Variants in CENPF observed in about 807,000 individuals in gnomAD.
The protein encoded by CENPF is centromere protein F, also known as AH antigen.
In CENPF, 214 loss-of-function variants were observed where a neutral mutation model predicts 307.3. That is an observed-to-expected ratio of 0.70 (90% confidence interval 0.62 to 0.78). The LOEUF (loss-of-function observed/expected upper bound fraction) is 0.78, where lower values mean the gene tolerates loss of function less well. Ranked by LOEUF, CENPF falls within the 30% of genes least tolerant of loss-of-function variation. The pLI is 0.00. For synonymous variants in CENPF, 1,259 were observed against 1,270.6 expected (o/e 0.99, Z 0.19); for missense variants, 3,401 against 3,483.9 (o/e 0.98, Z 0.60).
chr1:214,658,480 C>T (rs771619922), intron 18 of CENPF, among the ~76,000 whole-genome samples: 6 of 151,476 alleles, frequency 4.0e-5, no homozygotes, highest in East Asian at 3.9e-4. Context: ...TCCATTATAC[C>T]CTCCTTTTTT....
At chr1:214,638,181 G>T (rs76289640) in intron 11 of CENPF, among the ~76,000 whole-genome samples, 180 bp downstream of exon 11, 1 of 152,112 alleles carries the variant, frequency 6.6e-6, no homozygotes, top group Admixed American at 6.5e-5. Flanking sequence ...TCCAGAGTGA[G>T]AGTGGGACTT....
At chr1:214,656,611 A>G (rs2102418486) in intron 17 of CENPF, among the ~76,000 whole-genome samples, 1 of 152,288 alleles carries the variant, frequency 6.6e-6, no homozygotes, top group Non-Finnish European at 1.5e-5. Flanking sequence ...ATAAGGATGT[A>G]AAAAAATGAA....
In CENPF at chr1:214,612,230, A is replaced by G. The variant is rs567976120; in HGVS notation, c.-41-1484A>G. Among the ~76,000 whole-genome samples, 9 of 152,264 alleles carry G rather than the reference A, an allele frequency of 5.9e-5. No individual in the cohort carries two copies. In the South Asian group the frequency reaches 8.3e-4, roughly 14 times the overall value. On this transcript the variant is annotated intron_variant, in intron 1 of 19. Transcript: ENST00000366955. ...GAAAGCTTTTCTGCATGAGATAATC[A>G]TGTCATTTTTGTCTTTAGTTATGCT...
Position 214,614,923 on chromosome 1 carries a change from A to T in CENPF, c.254A>T (p.Lys85Met). The T allele has an allele frequency of 6.2e-7, 1 of 1,612,412 alleles. No individual in the cohort carries two copies. The highest frequency in any genetic ancestry group is 8.5e-7 in the Non-Finnish European group (1 of 1,179,162). ...ICESLEKTKQ[K>M]ISHELQVKES... Reference sequence around the variant, plus strand: ...GAAAGTCTGGAGAAAACTAAGCAGAAGATTTCTCATGAACTTCAAGTCAAG... The same window carrying T: ...GAAAGTCTGGAGAAAACTAAGCAGATGATTTCTCATGAACTTCAAGTCAAG... Residue 85 changes from lysine (K) to methionine (M), a missense_variant, in exon 3 of 20, where the codon AAG becomes ATG. By Grantham distance (95) the Lys-to-Met change is moderately conservative (BLOSUM62 -1). Transcript: ENST00000366955.
At chr1:214,606,116 A>T (rs1657022793) in intron 1 of CENPF, 3 of 1,553,430 alleles carry the variant, frequency 1.9e-6, no homozygotes, top group Non-Finnish European at 8.6e-7. Flanking sequence ...GCGGCCTCCG[A>T]CGCGCGCGCA....
At position 214,613,851 on chromosome 1, in the gene CENPF, G is replaced by T; in HGVS notation, c.97G>T (p.Glu33Ter). 6.2e-7 allele frequency: 1 copy of T among 1,613,906 alleles called. No individual in the cohort carries two copies. Among genetic ancestry groups the T allele is most frequent in the Non-Finnish European group, 8.5e-7 (1 of 1,179,916 alleles). ...AGGACAGCTTGACAAACTGAAGAAG[G>T]AAAAGCAGCAAAGGCAGTTTCAGCT... ...LEGQLDKLKK[E>*]KQQRQFQLDS... The change falls in exon 2 of 20, where the codon GAA becomes TAA. Residue 33 changes from glutamate to a stop codon, truncating the protein, a stop_gained. Coordinates refer to ENST00000366955, the MANE Select transcript of CENPF (RefSeq NM_016343.4). LOFTEE classifies it high-confidence loss of function.
At position 214,614,948 on chromosome 1, in the gene CENPF, G is replaced by A; in HGVS notation, c.279G>A (p.Lys93=). ...AGATTTCTCATGAACTTCAAGTCAA[G>A]GAGTCACAAGTGAATTTCCAGGAAG... is the stretch of plus-strand genomic sequence containing the variant. ...KQKISHELQV[K]ESQVNFQEGQ... is the part of the protein sequence containing the mutation. Residue 93 remains lysine (K), a synonymous_variant, in exon 3 of 20, where the codon AAG becomes AAA. Coordinates refer to ENST00000366955, the MANE Select transcript of CENPF (RefSeq NM_016343.4). The A allele has an allele frequency of 6.2e-7, 1 of 1,611,230 alleles. No homozygotes were observed.
In CENPF at chr1:214,618,137, G is replaced by T. The variant is rs527911052; in HGVS notation, c.360-436G>T. 3.3e-5 allele frequency among the ~76,000 whole-genome samples: 5 copies of T among 152,162 alleles called. No homozygotes were observed. The South Asian group carries it at 1.0e-3, about 32-fold the overall frequency. On this transcript the variant is annotated intron_variant, in intron 3 of 19. Transcript: ENST00000366955. ...TAAAACCATCAGATCTTGTGAGAAC[G>T]CACTATCACGAGAATAGCATGGGAA...
intron 7 of CENPF, among the ~76,000 whole-genome samples, chr1:214,623,890 T>A (rs1412500979): frequency 6.6e-6 from 1 of 152,224 alleles, no homozygotes; most frequent in Non-Finnish European, 1.5e-5. Flanking sequence ...ATGAATTATT[T>A]GACTTTTAAT....
At chr1:214,612,861 C>T (rs1657235627) in intron 1 of CENPF, 1 of 158,460 alleles carries the variant, frequency 6.3e-6, no homozygotes, top group East Asian at 1.8e-4. Flanking sequence ...TTGAGGTCTA[C>T]AAGGCATATC....
chr1:214,628,519 C>T (rs545359023), intron 7 of CENPF, among the ~76,000 whole-genome samples: 1 of 152,212 alleles, frequency 6.6e-6, no homozygotes, highest in Admixed American at 6.5e-5. Context: ...TCTTGGCTCA[C>T]TGCAACCCCT....
At position 214,646,275 on chromosome 1, in the gene CENPF, A is replaced by T; in HGVS notation, c.6705A>T (p.Ser2235=). 6.2e-7 allele frequency: 1 copy of T among 1,614,128 alleles called. No individual in the cohort carries two copies. Among genetic ancestry groups the T allele is most frequent in the Non-Finnish European group, 8.5e-7 (1 of 1,180,008 alleles). The change falls in exon 13 of 20, where the codon TCA becomes TCT. Residue 2235 remains serine, a synonymous_variant. Coordinates refer to ENST00000366955, the MANE Select transcript of CENPF (RefSeq NM_016343.4). ...QLSELDKLLS[S]FKSLLEEKEQ... ...CAGAACTAGACAAGTTACTCTCTTC[A>T]TTTAAAAGTCTGTTAGAAGAAAAGG...
At chr1:214,622,505 T>C (rs932223805) in intron 7 of CENPF, among the ~76,000 whole-genome samples, 33 of 152,252 alleles carry the variant, frequency 2.2e-4, no homozygotes, top group Non-Finnish European at 1.5e-4. Context: ...GGCAAGTCAC[T>C]GATCTCTTTT....
intron 18 of CENPF, 59 bp downstream of exon 18, chr1:214,657,468 C>T (rs1658672148): frequency 7.8e-7 from 1 of 1,289,646 alleles, no homozygotes; most frequent in Non-Finnish European, 1.1e-6. Flanking sequence ...TATAATGGTT[C>T]ACATATAAAA....
rs755038430 is a variant in CENPF, at chr1:214,642,142, G to A, written c.3804G>A (p.Ala1268=). Residue 1268 remains alanine (A), a synonymous_variant, in exon 12 of 20, where the codon GCG becomes GCA. Coordinates refer to ENST00000366955, the MANE Select transcript of CENPF (RefSeq NM_016343.4). ...GCCTTAAAGACTGTGAAATAGATGC[G>A]GAAGAAAAGTATATTTCAGGGCCTC... ...ISGLKDCEID[A]EEKYISGPHE... The A allele has an allele frequency of 1.8e-5, 29 of 1,613,750 alleles. No homozygotes were observed. Among genetic ancestry groups the A allele is most frequent in the African/African-American group, 8.0e-5 (6 of 74,888 alleles).
chr1:214,646,617 G>C lies in CENPF; in HGVS notation c.7047G>C (p.Arg2349Ser). 2 of 1,614,034 alleles carry C rather than the reference G, an allele frequency of 1.2e-6. No individual in the cohort carries two copies. Among genetic ancestry groups the C allele is most frequent in the Non-Finnish European group, 1.7e-6 (2 of 1,179,992 alleles). The change falls in exon 13 of 20, where the codon AGG (arginine) becomes AGC (serine). Residue 2349 changes from arginine (R) to serine (S), a missense_variant. Coordinates refer to ENST00000366955, the MANE Select transcript of CENPF (RefSeq NM_016343.4). ...ENLERELEIARTNQEHAALEA... is the reference protein window; with the variant it reads ...ENLERELEIASTNQEHAALEA... ...TTGAAAGAGAGCTAGAGATAGCCAG[G>C]ACAAACCAAGAGCATGCAGCTCTTG...
At chr1:214,637,793 C>A in intron 10 of CENPF, 73 bp from the exon 11 acceptor site, 3 of 1,488,854 alleles carry the variant, frequency 2.0e-6, no homozygotes, top group South Asian at 1.3e-5. Context: ...TGCTAGGGAC[C>A]TTTATTAAGG....
At chr1:214,612,354 G>C (rs1657222871) in intron 1 of CENPF, among the ~76,000 whole-genome samples, 1 of 152,160 alleles carries the variant, frequency 6.6e-6, no homozygotes, top group African/African-American at 2.4e-5. Context: ...TTTTTGATGT[G>C]TTGCTGGACT....
intron 10 of CENPF, 145 bp downstream of exon 10, chr1:214,632,747 T>A: frequency 1.1e-6 from 1 of 920,888 alleles, no homozygotes; most frequent in Non-Finnish European, 1.6e-6. Flanking sequence ...TATTACAGAA[T>A]TTTCTGTATA....
Sources: gnomAD v4.1 joint callset for allele counts (sites outside exome capture counted in the v4.1 genomes callset) on GRCh38, gnomAD v4.1.1 for gene constraint, MANE v1.5 for transcripts, NCBI Gene and HGNC (gene_info 2026-07-23, HGNC 2026-07-21) for gene names.